Variants in PTPRM observed in about 807,000 individuals in gnomAD.
PTPRM encodes the protein protein tyrosine phosphatase receptor type M.
A neutral mutation model predicts 186.7 loss-of-function variants in PTPRM; 47 were observed. The observed-to-expected ratio is 0.25, with a 90% CI of 0.20 to 0.32. The LOEUF (loss-of-function observed/expected upper bound fraction) is 0.32. Among genes scored for constraint, PTPRM ranks in the 10% least tolerant of loss-of-function variants. PTPRM has a pLI of 1.00. For missense variants in PTPRM, 1,494 were observed against 1,865.0 expected (o/e 0.80, Z 3.66); for synonymous variants, 668 against 674.9 (o/e 0.99, Z 0.16).
chr18:8,044,699 G>A (rs773264113), intron 7 of PTPRM, among the ~76,000 whole-genome samples: 25 of 147,146 alleles, frequency 1.7e-4, no homozygotes, highest in Non-Finnish European at 3.0e-4. Flanking sequence ...AGAGGTTGCA[G>A]TGAGCCAAGA....
At chr18:8,128,077 C>T (rs1431802024) in intron 13 of PTPRM, among the ~76,000 whole-genome samples, 1 of 152,078 alleles carries the variant, frequency 6.6e-6, no homozygotes, top group Non-Finnish European at 1.5e-5. Flanking sequence ...GTGTCAGAAG[C>T]TTCAATTTAA....
chr18:8,290,190 C>G (rs1048846426), intron 19 of PTPRM, among the ~76,000 whole-genome samples: 1 of 152,158 alleles, frequency 6.6e-6, no homozygotes, highest in African/African-American at 2.4e-5. Context: ...ACTTTGCATG[C>G]CCCAGTGAGT....
At chr18:8,308,852 C>T (rs2095246356) in intron 20 of PTPRM, among the ~76,000 whole-genome samples, 1 of 152,230 alleles carries the variant, frequency 6.6e-6, no homozygotes. Flanking sequence ...ACTCCAGCCA[C>T]ATTTCATGTG....
chr18:8,079,375 T>C (rs1004105083), intron 9 of PTPRM, among the ~76,000 whole-genome samples: 2 of 152,142 alleles, frequency 1.3e-5, no homozygotes, highest in Non-Finnish European at 2.9e-5. Flanking sequence ...TTTTGTCGAG[T>C]TGTCAATTTA....
chr18:8,312,281 C>G (rs1229913073), intron 20 of PTPRM, among the ~76,000 whole-genome samples: 1 of 152,106 alleles, frequency 6.6e-6, no homozygotes, highest in East Asian at 1.9e-4. Context: ...TACACATGTC[C>G]AGTGCACCAG....
intron 5 of PTPRM, among the ~76,000 whole-genome samples, chr18:7,927,262 C>A (rs1289398879): frequency 2.6e-5 from 4 of 152,124 alleles, no homozygotes; most frequent in African/African-American, 9.7e-5. Context: ...TCTCAGGAAT[C>A]CTGACAGAAT....
At chr18:8,043,629 G>GCTT (rs2086829940) in intron 7 of PTPRM, among the ~76,000 whole-genome samples, 1 of 151,646 alleles carries the variant, frequency 6.6e-6, no homozygotes, top group African/African-American at 2.4e-5. Context: ...CAATCCTGAT[G>GCTT]CTTCCATGGA....
chr18:8,399,602 G>A (rs2095861606), intron 32 of PTPRM: 1 of 152,208 alleles, frequency 6.6e-6, no homozygotes, highest in Admixed American at 6.5e-5. Context: ...GAGTTATCTT[G>A]TTATACTCAG....
intron 1 of PTPRM, among the ~76,000 whole-genome samples, chr18:7,700,800 A>C (rs1036594536): frequency 6.6e-6 from 1 of 151,696 alleles, no homozygotes; most frequent in Non-Finnish European, 1.5e-5. Flanking sequence ...AGACTAGCCT[A>C]GGCAATATGG....
intron 14 of PTPRM, chr18:8,154,408 A>G (rs1259550974): frequency 6.6e-6 from 1 of 152,216 alleles, no homozygotes; most frequent in South Asian, 2.1e-4. Flanking sequence ...ACTGGGCCCA[A>G]GAGACAGTGT....
At chr18:7,781,026 G>A (rs1001628516) in intron 2 of PTPRM, among the ~76,000 whole-genome samples, 1 of 152,066 alleles carries the variant, frequency 6.6e-6, no homozygotes, top group African/African-American at 2.4e-5. Context: ...CACACACCAG[G>A]AGCTTAGCCT....
intron 2 of PTPRM, among the ~76,000 whole-genome samples, chr18:7,784,067 C>T (rs967861140): frequency 6.6e-6 from 1 of 151,992 alleles, no homozygotes; most frequent in African/African-American, 2.4e-5. Context: ...TTCTGTGTGA[C>T]CTAGGGCACT....
intron 1 of PTPRM, among the ~76,000 whole-genome samples, chr18:7,601,015 T>G (rs2037387558): frequency 6.6e-6 from 1 of 152,200 alleles, no homozygotes; most frequent in African/African-American, 2.4e-5. Context: ...CTCCCCTGTG[T>G]GACCGAGCCC....
intron 2 of PTPRM, among the ~76,000 whole-genome samples, chr18:7,871,749 G>A (rs185468273): frequency 2.0e-5 from 3 of 152,326 alleles, no homozygotes; most frequent in Admixed American, 2.0e-4. Context: ...CTCAGTGAAT[G>A]TTGAACGAGG....
intron 19 of PTPRM, among the ~76,000 whole-genome samples, chr18:8,254,577 T>A (rs141076580): frequency 6.6e-6 from 1 of 152,314 alleles, no homozygotes; most frequent in East Asian, 1.9e-4. Flanking sequence ...TAGCTCAGAG[T>A]TGGGAAACAT....
At chr18:7,939,140 TG>T (rs751011675) in intron 5 of PTPRM, among the ~76,000 whole-genome samples, 6 of 152,290 alleles carry the variant, frequency 3.9e-5, no homozygotes, top group Middle Eastern at 3.4e-3. Context: ...GTGATGTCGG[TG>T]GTAAGAATTT....
intron 24 of PTPRM, among the ~76,000 whole-genome samples, chr18:8,374,398 C>A (rs1057339789): frequency 6.6e-6 from 1 of 152,044 alleles, no homozygotes; most frequent in Non-Finnish European, 1.5e-5. Context: ...AAGTATTTAC[C>A]GTCAATAAGC....
chr18:7,597,305 G>C (rs1005585336), intron 1 of PTPRM, among the ~76,000 whole-genome samples: 1 of 152,182 alleles, frequency 6.6e-6, no homozygotes, highest in African/African-American at 2.4e-5. Context: ...GTGAAGTGGG[G>C]CTGGTGAGAG....
chr18:7,847,492 G>A (rs1182730961), intron 2 of PTPRM, among the ~76,000 whole-genome samples: 1 of 152,026 alleles, frequency 6.6e-6, no homozygotes, highest in Non-Finnish European at 1.5e-5. Context: ...TCATAAATGG[G>A]GATTTATTGG....
Sources: allele counts gnomAD v4.1 joint callset (sites outside exome capture counted in the v4.1 genomes callset), GRCh38; gene constraint gnomAD v4.1.1; transcripts MANE v1.5; gene names NCBI Gene and HGNC (gene_info 2026-07-23, HGNC 2026-07-21).